The following MEF2C variants were observed in gnomAD, a reference collection of about 807,000 sequenced individuals.
MEF2C encodes the protein myocyte-specific enhancer factor 2C.
Under a neutral mutation model 50.5 loss-of-function variants are expected in MEF2C, and 6 were observed. The ratio of observed to expected loss-of-function variants is 0.12; its 90% CI spans 0.07 to 0.23. MEF2C has a LOEUF of 0.23. Ranked by LOEUF, MEF2C falls within the 10% of genes least tolerant of loss-of-function variation. The pLI is 1.00. For synonymous variants in MEF2C, 183 were observed against 228.0 expected (o/e 0.80, Z 1.78); for missense variants, 276 against 605.0 (o/e 0.46, Z 5.70).
At chr5:88,873,722 T>C (rs1467522926) in intron 1 of MEF2C, among the ~76,000 whole-genome samples, 2 of 98,686 alleles carry the variant, frequency 2.0e-5, no homozygotes, top group African/African-American at 5.7e-5. Flanking sequence ...TTTTTTTTTT[T>C]TTTTTTTTTT....
intron 3 of MEF2C, among the ~76,000 whole-genome samples, chr5:88,801,175 G>A (rs1030583748): frequency 2.0e-5 from 3 of 152,114 alleles, no homozygotes; most frequent in Non-Finnish European, 4.4e-5. Context: ...TTTTCTTCTT[G>A]TGAGTAAACT....
intron 2 of MEF2C, among the ~76,000 whole-genome samples, chr5:88,807,652 A>C (rs1046188874): frequency 6.6e-6 from 1 of 152,198 alleles, no homozygotes; most frequent in African/African-American, 2.4e-5. Context: ...TATTGAGTAT[A>C]ATGCTTAGAG....
At position 88,718,773 on chromosome 5, in the gene MEF2C, T is replaced by C. The variant is rs899606008; in HGVS notation, c.*3831A>G. ...ATGAAAATAACCAAAATGGAAAAAT[T>C]TGATGTAGAAGATATGTGGCTTGGA... On this transcript the variant is annotated 3_prime_UTR_variant, in exon 11 of 11. Transcript: ENST00000504921. The C allele has an allele frequency of 2.0e-5, 3 of 152,236 alleles. No individual in the cohort carries two copies. Among genetic ancestry groups the C allele is most frequent in the Non-Finnish European group, 4.4e-5 (3 of 68,046 alleles). The allele number at this position is 152,236 out of a possible 1,614,324, so 9.4% of individuals were successfully genotyped here.
At chr5:88,850,460 G>T (rs138093542) in intron 1 of MEF2C, among the ~76,000 whole-genome samples, 1 of 152,268 alleles carries the variant, frequency 6.6e-6, no homozygotes, top group East Asian at 1.9e-4. Context: ...ACACTAAAAA[G>T]AGTCCAACAT....
chr5:88,728,650 C>A, intron 9 of MEF2C, 22 bp from the exon 10 acceptor site: 1 of 1,339,412 alleles, frequency 7.5e-7, no homozygotes, highest in Non-Finnish European at 9.7e-7. Flanking sequence ...AATAAAACAA[C>A]AAGGGAAAAT....
intron 1 of MEF2C, among the ~76,000 whole-genome samples, chr5:88,852,380 C>T (rs1328734161): frequency 6.6e-6 from 1 of 152,148 alleles, no homozygotes; most frequent in African/African-American, 2.4e-5. Context: ...CAGAATTGCA[C>T]TCTAAACTTA....
intron 1 of MEF2C, among the ~76,000 whole-genome samples, chr5:88,842,780 C>T (rs1249969145): frequency 6.6e-6 from 1 of 152,158 alleles, no homozygotes; most frequent in Non-Finnish European, 1.5e-5. Context: ...ATACATTTTT[C>T]ATGTGCTTAT....
chr5:88,757,574 C>T (rs1375047358), intron 4 of MEF2C, among the ~76,000 whole-genome samples: 1 of 152,104 alleles, frequency 6.6e-6, no homozygotes, highest in African/African-American at 2.4e-5. Context: ...TTTCAATCAC[C>T]TGCTTCCCCC....
At chr5:88,759,878 G>C (rs191483600) in intron 4 of MEF2C, among the ~76,000 whole-genome samples, 1 of 152,210 alleles carries the variant, frequency 6.6e-6, no homozygotes, top group South Asian at 2.1e-4. Flanking sequence ...ATTCAGGTTT[G>C]AGTGTGCAGC....
intron 3 of MEF2C, among the ~76,000 whole-genome samples, chr5:88,789,645 T>G (rs1445027703): frequency 6.6e-6 from 1 of 152,142 alleles, no homozygotes; most frequent in Non-Finnish European, 1.5e-5. Flanking sequence ...TAATTAACCT[T>G]CCAGCTAGTC....
At chr5:88,876,798 C>CT (rs1170154944) in intron 1 of MEF2C, among the ~76,000 whole-genome samples, 5 of 152,006 alleles carry the variant, frequency 3.3e-5, no homozygotes, top group Non-Finnish European at 5.9e-5. Context: ...ATATCCACTT[C>CT]TTTTTTAATC....
At chr5:88,857,370 A>G (rs575868890) in intron 1 of MEF2C, among the ~76,000 whole-genome samples, 1 of 152,166 alleles carries the variant, frequency 6.6e-6, no homozygotes, top group Non-Finnish European at 1.5e-5. Context: ...TGATAGGTGG[A>G]AGGGACTTGC....
intron 6 of MEF2C, chr5:88,733,907 C>A: frequency 1.0e-6 from 1 of 985,292 alleles, no homozygotes; most frequent in Non-Finnish European, 1.2e-6. Flanking sequence ...GGAATATTAG[C>A]CAAATTCTCT....
rs36077473 is a variant in MEF2C at position 88,743,790 on chromosome 5, C to G, written c.637+5280G>C. The G allele has an allele frequency of 4.3e-5, 42 of 985,002 alleles. No individual in the cohort carries two copies. In the East Asian group the frequency reaches 4.5e-3, roughly 107 times the overall value. 61.0% of individuals were successfully genotyped at this position (985,002 alleles called of 1,614,324 possible). On this transcript the variant is annotated intron_variant, in intron 6 of 10. Coordinates refer to ENST00000504921, the MANE Select transcript of MEF2C (RefSeq NM_002397.5). ...ATTTAGCTGACATAAATTAAGCATT[C>G]CAGAAGTGACAATGCTTGATAACCA...
At chr5:88,888,847 C>T (rs1215459612) in intron 1 of MEF2C, 1 of 151,900 alleles carries the variant, frequency 6.6e-6, no homozygotes, top group Non-Finnish European at 1.5e-5. Context: ...CAAAAATAAC[C>T]ACATGCATGA....
At chr5:88,728,026 A>G (rs1759692961) in intron 10 of MEF2C, among the ~76,000 whole-genome samples, 1 of 152,042 alleles carries the variant, frequency 6.6e-6, no homozygotes, top group Admixed American at 6.5e-5. Context: ...AATATCTATA[A>G]GTATACAACT....
intron 3 of MEF2C, among the ~76,000 whole-genome samples, chr5:88,799,238 G>C (rs973454554): frequency 6.6e-6 from 1 of 152,084 alleles, no homozygotes; most frequent in Non-Finnish European, 1.5e-5. Flanking sequence ...CTGAAGCTGC[G>C]CCCACAGCTG....
chr5:88,724,568 A>C (rs1581243889), intron 10 of MEF2C, among the ~76,000 whole-genome samples: 1 of 152,198 alleles, frequency 6.6e-6, no homozygotes, highest in East Asian at 1.9e-4. Context: ...AAGAAACTAC[A>C]CTGACTGTAT....
chr5:88,823,625 A>G (rs1263455926), intron 2 of MEF2C, 110 bp downstream of exon 2: 1 of 1,047,232 alleles, frequency 9.5e-7, no homozygotes, highest in Non-Finnish European at 1.4e-6. Flanking sequence ...AATTAACCCA[A>G]ACTTCTCTTA....
Sources: gnomAD v4.1 joint callset for allele counts (sites outside exome capture counted in the v4.1 genomes callset) on GRCh38, gnomAD v4.1.1 for gene constraint, MANE v1.5 for transcripts, NCBI Gene and HGNC (gene_info 2026-07-23, HGNC 2026-07-21) for gene names.